The following GPAT2 variants were observed in gnomAD, a reference collection of about 807,000 sequenced individuals.
GPAT2 encodes the protein 1-acylglycerol-3-phosphate O-acyltransferase GPAT2.
Under a neutral mutation model 71.0 loss-of-function variants are expected in GPAT2, and 51 were observed. That is an observed-to-expected ratio of 0.72 (90% CI 0.57 to 0.91). The LOEUF (loss-of-function observed/expected upper bound fraction) is 0.91. Ranked by LOEUF, GPAT2 falls within the 40% of genes least tolerant of loss-of-function variation. The pLI is 0.00. For missense variants in GPAT2, 511 were observed against 666.0 expected (o/e 0.77, Z 2.56); for synonymous variants, 222 against 290.3 (o/e 0.76, Z 2.39).
rs957741304 is a variant in GPAT2 at position 96,023,923 on chromosome 2, C to T, written c.1914G>A (p.Glu638=). 3 of 1,594,788 alleles carry T rather than the reference C, an allele frequency of 1.9e-6. No individual in the cohort carries two copies. Among genetic ancestry groups the T allele is most frequent in the African/African-American group, 1.3e-5 (1 of 74,736 alleles). ...LIQCGLLVAE[E]TPGSRPACDT... ...TCTTGTCTCCAACTGCCCTGCCTACCTCCTCAGCAACCAGGAGCCCGCATT... is the reference window on the plus strand; with the variant it reads ...TCTTGTCTCCAACTGCCCTGCCTACTTCCTCAGCAACCAGGAGCCCGCATT... Residue 638 remains glutamate, a splice_region_variant and synonymous_variant, in exon 17 of 22, where the codon GAG becomes GAA. Transcript: ENST00000434632.
intron 12 of GPAT2, 50 bp downstream of exon 12, chr2:96,025,880 G>A (rs1235856762): frequency 6.5e-7 from 1 of 1,549,220 alleles, no homozygotes; most frequent in Admixed American, 1.7e-5. Context: ...AGCTGGTGCT[G>A]AAGGGCTGCT....
At position 96,022,648 on chromosome 2, in the gene GPAT2, G is replaced by A. The variant is rs1326704399; in HGVS notation, c.2289+20C>T. 8 of 1,613,252 alleles carry A rather than the reference G, an allele frequency of 5.0e-6. No individual in the cohort carries two copies. Among genetic ancestry groups the A allele is most frequent in the South Asian group, 1.1e-5 (1 of 91,066 alleles). On this transcript the variant is annotated intron_variant, in intron 21 of 21. Transcript: ENST00000434632. ...GGTGGGAGCAGGGGGACAGAAGATG[G>A]TGACAGTGGCTCCTCTCACCCCTAG...
At position 96,023,011 on chromosome 2, in the gene GPAT2, G is replaced by T. The variant is rs762715600; in HGVS notation, c.2180C>A (p.Thr727Lys). The T allele has an allele frequency of 6.2e-7, 1 of 1,613,980 alleles. No individual in the cohort carries two copies. The change falls in exon 20 of 22, where the codon ACA becomes AAA. Residue 727 changes from threonine to lysine, a missense_variant. By Grantham distance (78) the Thr-to-Lys change is moderately conservative. This residue lies in a region of GPAT2 where 108 missense variants were observed against 117.6 expected (regional missense o/e 0.92). Coordinates refer to ENST00000434632, the MANE Select transcript of GPAT2 (RefSeq NM_001321527.2). ...GQLPDTELGYTEQLFQFLQAT... is the reference protein window; with the variant it reads ...GQLPDTELGYKEQLFQFLQAT... ...CTGCAGGAACTGGAACAGCTGCTCT[G>T]TGTAGCCCAACTCTGCAGAAGAGAG...
Position 96,031,982 on chromosome 2 carries a change from G to A in GPAT2, c.177+51C>T, listed in dbSNP as rs781464708. 15 of 1,468,914 alleles carry A rather than the reference G, an allele frequency of 1.0e-5. 1 individual carries two copies. Among genetic ancestry groups the A allele is most frequent in the South Asian group, 4.9e-5 (4 of 82,346 alleles). The allele number at this position is 1,468,914 out of a possible 1,614,324, so 91.0% of individuals were successfully genotyped here. A position where few individuals can be genotyped will look rare whatever the true frequency, so the allele number is the denominator to read the frequency against. On this transcript the variant is annotated intron_variant, in intron 3 of 21. Transcript: ENST00000434632. ...AAAGGAAGCAGCTTCCCAGAGCTTC[G>A]GCTCCCAGAACCAAGCTTCCTGCTT... is the stretch of plus-strand genomic sequence containing the variant.
rs1679726817 is a variant in GPAT2 at position 96,022,012 on chromosome 2, A to C, written c.*147T>G. The stretch of plus-strand genomic sequence containing the variant: ...GTTTATCACATCAAAGAAGGGAAAA[A>C]GCAAGAGATGGCAAGGGACAATCAA... On this transcript the variant is annotated 3_prime_UTR_variant, in exon 22 of 22. Transcript: ENST00000434632. 6.8e-7 allele frequency: 1 copy of C among 1,461,570 alleles called. No homozygotes were observed. Among genetic ancestry groups the C allele is most frequent in the African/African-American group, 1.4e-5 (1 of 69,900 alleles). 90.5% of individuals were successfully genotyped at this position (1,461,570 alleles called of 1,614,324 possible).
At position 96,026,277 on chromosome 2, in the gene GPAT2, C is replaced by G. The variant is rs771152145; in HGVS notation, c.1061G>C (p.Gly354Ala). ...CAAGCTACGTAGGACAGCCAGAGCT[C>G]CTGTCCACAGCCCCAGGGGGGCCGA... ...HASAPLGLWTGALAVLRSLWS... is the reference protein window; with the variant it reads ...HASAPLGLWTAALAVLRSLWS... The change falls in exon 11 of 22, where the codon GGA becomes GCA. Residue 354 changes from glycine (G) to alanine (A), a missense_variant. Physicochemically the swap from Gly to Ala is moderately conservative, Grantham distance 60. Coordinates refer to ENST00000434632, the MANE Select transcript of GPAT2 (RefSeq NM_001321527.2). The G allele has an allele frequency of 6.3e-7, 1 of 1,588,232 alleles. No homozygotes were observed. The highest frequency in any genetic ancestry group is 8.6e-7 in the Non-Finnish European group (1 of 1,169,566).
intron 1 of GPAT2, among the ~76,000 whole-genome samples, chr2:96,033,823 G>C (rs1219988156): frequency 8.2e-6 from 1 of 121,318 alleles, no homozygotes; most frequent in African/African-American, 3.1e-5. Flanking sequence ...AACCCCATTA[G>C]GTCTGTGCTA....
intron 13 of GPAT2, chr2:96,025,118 C>T: frequency 5.1e-6 from 3 of 592,682 alleles, no homozygotes; most frequent in Admixed American, 3.0e-5. Flanking sequence ...CCTATAAGGG[C>T]CCTCTGTGGA....
At chr2:96,034,360 C>T (rs1471266613) in intron 1 of GPAT2, among the ~76,000 whole-genome samples, 1 of 46,738 alleles carries the variant, frequency 2.1e-5, no homozygotes, top group African/African-American at 7.8e-5. Flanking sequence ...AGCCTGTGCA[C>T]ATCTGAGCGT....
chr2:96,024,662 C>T lies in GPAT2; in HGVS notation c.1452G>A (p.Leu484=), dbSNP rs771221189. The T allele has an allele frequency of 1.1e-5, 17 of 1,613,836 alleles. No individual in the cohort carries two copies. The highest frequency in any genetic ancestry group is 3.3e-5 in the Admixed American group (2 of 60,012). The change falls in exon 15 of 22, where the codon CTG becomes CTA. Residue 484 remains leucine (L), a synonymous_variant. Coordinates refer to ENST00000434632, the MANE Select transcript of GPAT2 (RefSeq NM_001321527.2). ...HQKGVFLSQL[L]GEFSWLTEEI... ...CCTCCGTCAGCCAGGAGAACTCCCCCAGGAGCTGCGACAGGAACACACCCT... is the reference window on the plus strand; with the variant it reads ...CCTCCGTCAGCCAGGAGAACTCCCCTAGGAGCTGCGACAGGAACACACCCT...
At chr2:96,025,462 G>T (rs1210256319) in intron 13 of GPAT2, 23 bp downstream of exon 13, 5 of 1,572,418 alleles carry the variant, frequency 3.2e-6, no homozygotes, top group Non-Finnish European at 4.3e-6. Flanking sequence ...ACCCGCAAAG[G>T]CCCAGATCTG....
chr2:96,033,959 A>T (rs1377927185), intron 1 of GPAT2, among the ~76,000 whole-genome samples: 1 of 151,280 alleles, frequency 6.6e-6, no homozygotes, highest in Non-Finnish European at 1.5e-5. Flanking sequence ...CAACTCATAG[A>T]CACATATATA....
Position 96,024,346 on chromosome 2 carries a change from G to A in GPAT2, c.1688-9C>T, listed in dbSNP as rs200453553. ...CCCCCGCACTGCACAGGCTGGGGGCGGAGGGTCCATTATGAAGAAGGAGCC... is the reference window on the plus strand; with the variant it reads ...CCCCCGCACTGCACAGGCTGGGGGCAGAGGGTCCATTATGAAGAAGGAGCC... On this transcript the variant is annotated splice_polypyrimidine_tract_variant and intron_variant, in intron 15 of 21. Coordinates refer to ENST00000434632, the MANE Select transcript of GPAT2 (RefSeq NM_001321527.2). The A allele has an allele frequency of 1.3e-3, 2,130 of 1,596,130 alleles. 2 individuals carry two copies. The highest frequency in any genetic ancestry group is 1.8e-3 in the Non-Finnish European group (2,056 of 1,168,332).
Position 96,022,277 on chromosome 2 carries a change from T to G in GPAT2, c.2290-2A>C. On this transcript the variant is annotated splice_acceptor_variant, in intron 21 of 21. Coordinates refer to ENST00000434632, the MANE Select transcript of GPAT2 (RefSeq NM_001321527.2). LOFTEE classifies it high-confidence loss of function. ...AGGGCTCGGCGTCTGCTGCAGAACC[T>G]GGGCCATGGAAGATAAGCCGTGAGT... 5.7e-6 allele frequency: 9 copies of G among 1,591,116 alleles called. No individual in the cohort carries two copies. The highest frequency in any genetic ancestry group is 7.7e-6 in the Non-Finnish European group (9 of 1,167,842).
intron 13 of GPAT2, 71 bp from the exon 14 acceptor site, chr2:96,024,914 C>G: frequency 1.3e-6 from 2 of 1,553,966 alleles, no homozygotes; most frequent in Non-Finnish European, 8.9e-7. Context: ...CATGATCTAG[C>G]AAGTCTTCCT....
rs1467982628 is a variant in GPAT2 at position 96,024,340 on chromosome 2, G to A, written c.1688-3C>T. 5 of 1,593,298 alleles carry A rather than the reference G, an allele frequency of 3.1e-6. No homozygotes were observed. The highest frequency in any genetic ancestry group is 3.4e-6 in the Non-Finnish European group (4 of 1,167,098). On this transcript the variant is annotated splice_region_variant and splice_polypyrimidine_tract_variant and intron_variant, in intron 15 of 21. Transcript: ENST00000434632. ...CAGCAGCCCCCGCACTGCACAGGCT[G>A]GGGGCGGAGGGTCCATTATGAAGAA...
chr2:96,025,409 C>T, intron 13 of GPAT2, 76 bp downstream of exon 13: 3 of 1,513,572 alleles, frequency 2.0e-6, no homozygotes, highest in East Asian at 4.7e-5. Flanking sequence ...AATGGAGAAC[C>T]CTGGTGACTG....
rs977868128 is a variant in GPAT2, at chr2:96,023,856, C to G, written c.1914+67G>C. 25 of 1,539,644 alleles carry G rather than the reference C, an allele frequency of 1.6e-5. No homozygotes were observed. In the African/African-American group the frequency reaches 3.4e-4, roughly 21 times the overall value. On this transcript the variant is annotated intron_variant, in intron 17 of 21. Transcript: ENST00000434632. ...GAGGAGGAGCCTGGGGCAGCTGGCACTCAGGGTGGGAGGCTGGAGGAGGCC... is the reference window on the plus strand; with the variant it reads ...GAGGAGGAGCCTGGGGCAGCTGGCAGTCAGGGTGGGAGGCTGGAGGAGGCC...
intron 12 of GPAT2, 101 bp from the exon 13 acceptor site, chr2:96,025,704 A>G: frequency 7.0e-7 from 1 of 1,425,048 alleles, no homozygotes; most frequent in Non-Finnish European, 9.6e-7. Flanking sequence ...TCCCCCTCCC[A>G]GCCCCAGGAC....
Sources: gnomAD v4.1 joint callset for allele counts (sites outside exome capture counted in the v4.1 genomes callset) on GRCh38, gnomAD v4.1.1 for gene constraint, gnomAD v4.1.1 regional missense constraint, MANE v1.5 for transcripts, NCBI Gene and HGNC (gene_info 2026-07-23, HGNC 2026-07-21) for gene names.